Variants in SPTA1 observed in about 807,000 individuals in gnomAD.
SPTA1 encodes spectrin alpha, erythrocytic 1.
A neutral mutation model predicts 324.7 loss-of-function variants in SPTA1; 177 were observed. The ratio of observed to expected loss-of-function variants is 0.55; its 90% confidence interval spans 0.48 to 0.62. SPTA1 has a LOEUF of 0.62. SPTA1 is among the 20% of genes least tolerant of loss of function. SPTA1 has a pLI of 0.00. For missense variants in SPTA1, 3,162 were observed against 2,883.6 expected, an observed-to-expected ratio of 1.10 and a Z score of -2.21; for synonymous variants, 1,195 against 1,041.3, an observed-to-expected ratio of 1.15 and a Z score of -2.84.
chr1:158,636,009 A>G lies in SPTA1; in HGVS notation c.5336T>C (p.Leu1779Pro), dbSNP rs577123327. The change falls in exon 38 of 52, where the codon CTG (leucine) becomes CCG (proline). Residue 1779 changes from leucine to proline, a missense_variant. Physicochemically the swap from Leu to Pro is moderately conservative, Grantham distance 98 (BLOSUM62 -3). Coordinates refer to ENST00000643759, the MANE Select transcript of SPTA1 (RefSeq NM_003126.4). ...IQNVLDMAEK[L>P]KDKAAVGQEE... ...TTGCCCCACAGCAGCCTTGTCTTTC[A>G]GCTTCTCTGCCATATCCAGCACATT... 2.5e-5 allele frequency: 41 copies of G among 1,614,154 alleles called. No individual in the cohort carries two copies. The African/African-American group carries it at 3.7e-4, about 15-fold the overall frequency.
chr1:158,678,665 G>A, intron 5 of SPTA1, 131 bp from the exon 6 acceptor site: 1 of 1,156,072 alleles, frequency 8.6e-7, no homozygotes, highest in Non-Finnish European at 1.2e-6. Flanking sequence ...GCCAGACACT[G>A]AACTTCATCA....
chr1:158,636,839 A>C (rs993222543), intron 36 of SPTA1, 78 bp from the exon 37 acceptor site: 2 of 1,605,376 alleles, frequency 1.2e-6, no homozygotes, highest in Non-Finnish European at 1.7e-6. Flanking sequence ...TTCTATGACT[A>C]TGTGTGTGGC....
intron 10 of SPTA1, among the ~76,000 whole-genome samples, chr1:158,673,704 G>T (rs1010238949): frequency 3.9e-5 from 6 of 152,180 alleles, no homozygotes; most frequent in East Asian, 1.9e-4. Context: ...GCATGGGAAG[G>T]TCACGAAACT....
intron 40 of SPTA1, 120 bp from the exon 41 acceptor site, chr1:158,627,127 C>G (rs1650331128): frequency 7.4e-7 from 1 of 1,351,058 alleles, no homozygotes; most frequent in Non-Finnish European, 1.0e-6. Flanking sequence ...GTGTGACCGT[C>G]TTAGTTTGTG....
At chr1:158,678,635 AG>A in intron 5 of SPTA1, 101 bp from the exon 6 acceptor site, 2 of 1,402,450 alleles carry the variant, frequency 1.4e-6, no homozygotes, top group Non-Finnish European at 9.8e-7. Context: ...CTTTTACAGA[AG>A]TGAAAACTGA....
At chr1:158,664,506 C>T (rs942788667) in intron 16 of SPTA1, among the ~76,000 whole-genome samples, 6 of 152,088 alleles carry the variant, frequency 3.9e-5, no homozygotes, top group Non-Finnish European at 8.8e-5. Context: ...GGGAGGGGAA[C>T]ATCACACACC....
rs1394141324 is a variant in SPTA1 at position 158,639,587 on chromosome 1, G to A, written c.4975C>T (p.Arg1659Ter). 2 of 1,613,570 alleles carry A rather than the reference G, an allele frequency of 1.2e-6. No individual in the cohort carries two copies. The highest frequency in any genetic ancestry group is 1.7e-6 in the Non-Finnish European group (2 of 1,179,798). The change falls in exon 35 of 52, where the codon CGA (arginine) becomes TGA (stop). Residue 1659 changes from arginine to a stop codon, truncating the protein, a stop_gained. Coordinates refer to ENST00000643759, the MANE Select transcript of SPTA1 (RefSeq NM_003126.4). LOFTEE classifies it high-confidence loss of function. ...GGGATGCCAACACTACTTACCTCTC[G>A]AGCCAACATCTCTCTCTCCAATAGC... ...HQLLEREMLA[R>*]EDALKDLNTL... is the part of the protein sequence containing the mutation.
chr1:158,681,293 C>T (rs1654790709), intron 4 of SPTA1, among the ~76,000 whole-genome samples: 1 of 152,046 alleles, frequency 6.6e-6, no homozygotes, highest in African/African-American at 2.4e-5. Context: ...AATGCATGGT[C>T]TTTGTGTAAG....
At chr1:158,663,009 G>C in intron 16 of SPTA1, 64 bp from the exon 17 acceptor site, 1 of 1,606,672 alleles carries the variant, frequency 6.2e-7, no homozygotes, top group Non-Finnish European at 8.5e-7. Flanking sequence ...ATAGGAGTTT[G>C]TCATGGTGGA....
Position 158,626,970 on chromosome 1 carries a change from G to T in SPTA1, c.5702C>A (p.Ser1901Tyr). 1 of 1,613,878 alleles carries T rather than the reference G, an allele frequency of 6.2e-7. No homozygotes were observed. The highest frequency in any genetic ancestry group is 8.5e-7 in the Non-Finnish European group (1 of 1,179,800). Residue 1901 changes from serine to tyrosine, a missense_variant, in exon 41 of 52, where the codon TCC (serine) becomes TAC (tyrosine). Coordinates refer to ENST00000643759, the MANE Select transcript of SPTA1 (RefSeq NM_003126.4). ...QEESQNKEIS[S>Y]KIEALNEKTP... ...CTTTTCATTCAGAGCCTCTATCTTG[G>T]AAGAAATCTCTTTGTTCTGACTTTC...
Position 158,646,201 on chromosome 1 carries a change from C to A in SPTA1, c.3897-607G>T, listed in dbSNP as rs143038430. 1.1e-4 allele frequency among the ~76,000 whole-genome samples: 16 copies of A among 152,214 alleles called. No individual in the cohort carries two copies. The East Asian group carries it at 2.3e-3, about 22-fold the overall frequency. ...TTTAGTAGTCAGGAAGTTAGACGAG[C>A]AAAACTAAGGTCTATCTTCTTAAAA... On this transcript the variant is annotated intron_variant, in intron 27 of 51. Transcript: ENST00000643759.
chr1:158,619,101 G>A (rs1014602770), intron 45 of SPTA1, 121 bp downstream of exon 45: 1 of 966,814 alleles, frequency 1.0e-6, no homozygotes, highest in Non-Finnish European at 1.7e-6. Context: ...GCAAGATATG[G>A]GGATTTTAGG....
intron 15 of SPTA1, 125 bp from the exon 16 acceptor site, chr1:158,666,622 T>A: frequency 5.0e-6 from 4 of 801,518 alleles, no homozygotes; most frequent in Non-Finnish European, 6.1e-6. Flanking sequence ...GAAATATAAC[T>A]GTCTCACATG....
rs775512134 is a variant in SPTA1, at chr1:158,613,851, A to C, written c.6859T>G (p.Leu2287Val). The C allele has an allele frequency of 6.2e-7, 1 of 1,613,918 alleles. No homozygotes were observed. The highest frequency in any genetic ancestry group is 1.1e-5 in the South Asian group (1 of 91,078). ...TCTTTGTGAGTCAGGCGCCCTGTCA[A>C]ATTCTCATCAAAGTGTCTAAAGGAT... Reference protein sequence around the residue: ...STIYKHFDENLTGRLTHKEFR... With the variant: ...STIYKHFDENVTGRLTHKEFR... The change falls in exon 50 of 52, where the codon TTG becomes GTG. Residue 2287 changes from leucine to valine, a missense_variant. Leu to Val is a conservative substitution (Grantham distance 32). Transcript: ENST00000643759.
At chr1:158,622,952 G>A (rs762335634) in intron 43 of SPTA1, 31 bp downstream of exon 43, 3 of 1,573,826 alleles carry the variant, frequency 1.9e-6, no homozygotes, top group Non-Finnish European at 2.6e-6. Flanking sequence ...AGGTAACAGA[G>A]AACTGATCAT....
At chr1:158,663,867 TA>T (rs972351668) in intron 16 of SPTA1, among the ~76,000 whole-genome samples, 1 of 152,020 alleles carries the variant, frequency 6.6e-6, no homozygotes, top group African/African-American at 2.4e-5. Context: ...AGTATAATAA[TA>T]AAAAAAGAAG....
In SPTA1 at chr1:158,667,867, T is replaced by C. The variant is rs761960429; in HGVS notation, c.2029A>G (p.Lys677Glu). ...AACCTCTGCTTTTTACCTTTCTGTT[T>C]TGTAGCCTCCAGCAACTCCTCCCAG... is the stretch of plus-strand genomic sequence containing the variant. ...SLWEELLEAT[K>E]QKGTQLHEAN... The change falls in exon 15 of 52, where the codon AAA becomes GAA. Residue 677 changes from lysine (K) to glutamate (E), a missense_variant. Lys to Glu is a moderately conservative substitution (Grantham distance 56). Transcript: ENST00000643759. The C allele has an allele frequency of 2.4e-5, 38 of 1,613,856 alleles. No individual in the cohort carries two copies. The Admixed American group carries it at 6.3e-4, about 27-fold the overall frequency.
At chr1:158,639,813 T>A in intron 34 of SPTA1, 57 bp downstream of exon 34, 2 of 1,613,418 alleles carry the variant, frequency 1.2e-6, no homozygotes, top group East Asian at 4.5e-5. Context: ...GTAAATTCAT[T>A]TGTCTGACAA....
At chr1:158,672,276 A>C in intron 10 of SPTA1, 80 bp from the exon 11 acceptor site, 1 of 1,443,526 alleles carries the variant, frequency 6.9e-7, no homozygotes, top group Non-Finnish European at 9.4e-7. Context: ...TAATAAATGC[A>C]AAGCCATTTA....
Sources: gnomAD v4.1 joint callset for allele counts (sites outside exome capture counted in the v4.1 genomes callset) on GRCh38, gnomAD v4.1.1 for gene constraint, MANE v1.5 for transcripts, NCBI Gene and HGNC (gene_info 2026-07-23, HGNC 2026-07-21) for gene names.